The following ADNP2 variants were observed in gnomAD, a reference collection of about 807,000 sequenced individuals.
ADNP2 encodes the protein ADNP homeobox 2.
In ADNP2, 8 loss-of-function variants were observed where a neutral mutation model predicts 16.4. The observed-to-expected ratio is 0.49, with a 90% CI of 0.29 to 0.88. ADNP2 has a LOEUF of 0.88. Ranked by LOEUF, ADNP2 falls within the 40% of genes least tolerant of loss-of-function variation. The pLI is 0.09. For missense variants in ADNP2, 1,397 were observed against 1,395.1 expected (o/e 1.00, Z -0.02); for synonymous variants, 637 against 545.8 (o/e 1.17, Z -2.33).
intron 2 of ADNP2, among the ~76,000 whole-genome samples, chr18:80,131,018 T>C (rs1288982201): frequency 6.6e-6 from 1 of 152,208 alleles, no homozygotes; most frequent in Non-Finnish European, 1.5e-5. Flanking sequence ...ATTACTGTTC[T>C]GTGGAGCTTG....
intron 2 of ADNP2, among the ~76,000 whole-genome samples, chr18:80,131,674 A>G (rs1297344335): frequency 6.6e-6 from 1 of 152,068 alleles, no homozygotes; most frequent in Non-Finnish European, 1.5e-5. Flanking sequence ...CAGCCATAAA[A>G]AAGGATGAGT....
chr18:80,128,674 A>G (rs1003660861), intron 2 of ADNP2, among the ~76,000 whole-genome samples: 38 of 152,210 alleles, frequency 2.5e-4, no homozygotes, highest in African/African-American at 8.0e-4. Flanking sequence ...ATAAATAAAA[A>G]TAAAGAAATA....
chr18:80,112,691 A>G (rs1019293314), intron 1 of ADNP2, among the ~76,000 whole-genome samples: 3 of 152,196 alleles, frequency 2.0e-5, no homozygotes, highest in Non-Finnish European at 4.4e-5. Flanking sequence ...TCATTTTAGT[A>G]ACCCCTTTCT....
Position 80,136,560 on chromosome 18 carries a change from A to G in ADNP2, c.1147A>G (p.Lys383Glu), listed in dbSNP as rs2052536743. 6.2e-6 allele frequency: 10 copies of G among 1,614,122 alleles called. No homozygotes were observed. Among genetic ancestry groups the G allele is most frequent in the Non-Finnish European group, 8.5e-6 (10 of 1,180,018 alleles). ...PLSQPVGPVN[K>E]SVGTSVLPIN... ...GAGTCAGCCAGTCGGACCTGTCAAT[A>G]AGTCTGTTGGAACTAGTGTCCTCCC... Residue 383 changes from lysine to glutamate, a missense_variant, in exon 4 of 4, where the codon AAG (lysine) becomes GAG (glutamate). Around this residue, in one of 3 missense-constraint regions of ADNP2, gnomAD observed 777 missense variants for 719.4 expected, o/e 1.08. Coordinates refer to ENST00000262198, the MANE Select transcript of ADNP2 (RefSeq NM_014913.4).
intron 2 of ADNP2, among the ~76,000 whole-genome samples, chr18:80,132,285 T>C (rs1252205981): frequency 1.3e-5 from 2 of 152,226 alleles, no homozygotes; most frequent in Admixed American, 1.3e-4. Context: ...TTAAACCAAC[T>C]GTCTGTTGAA....
intron 2 of ADNP2, among the ~76,000 whole-genome samples, chr18:80,128,330 A>AAAAT (rs1177819634): frequency 6.6e-6 from 1 of 152,224 alleles, no homozygotes; most frequent in East Asian, 1.9e-4. Context: ...GATAGTTCTG[A>AAAAT]AAATAACCTA....
chr18:80,132,079 A>C (rs904845378), intron 2 of ADNP2, among the ~76,000 whole-genome samples: 2 of 152,184 alleles, frequency 1.3e-5, no homozygotes, highest in African/African-American at 4.8e-5. Context: ...CCTTACGTTT[A>C]GGCTTTGCGT....
At chr18:80,129,575 C>G (rs1034888641) in intron 2 of ADNP2, among the ~76,000 whole-genome samples, 3 of 152,152 alleles carry the variant, frequency 2.0e-5, no homozygotes, top group African/African-American at 7.2e-5. Flanking sequence ...AGTGTTGTTT[C>G]AGCTTAGTCC....
Position 80,135,738 on chromosome 18 carries a change from C to A in ADNP2, c.325C>A (p.Pro109Thr). 1 of 1,614,168 alleles carries A rather than the reference C, an allele frequency of 6.2e-7. No individual in the cohort carries two copies. The highest frequency in any genetic ancestry group is 8.5e-7 in the Non-Finnish European group (1 of 1,180,024). The change falls in exon 4 of 4, where the codon CCA becomes ACA. Residue 109 changes from proline to threonine, a missense_variant. By Grantham distance (38) the Pro-to-Thr change is conservative (BLOSUM62 -1). Coordinates refer to ENST00000262198, the MANE Select transcript of ADNP2 (RefSeq NM_014913.4). ...EIDQELVIPC[P>T]NCVFASQPKV... Reference sequence around the variant, plus strand: ...TGACCAAGAGCTGGTGATCCCTTGCCCAAACTGTGTATTTGCATCTCAGCC... The same window carrying A: ...TGACCAAGAGCTGGTGATCCCTTGCACAAACTGTGTATTTGCATCTCAGCC...
intron 2 of ADNP2, among the ~76,000 whole-genome samples, chr18:80,118,341 T>C (rs148453719): frequency 1.3e-5 from 2 of 152,020 alleles, no homozygotes; most frequent in African/African-American, 4.8e-5. Flanking sequence ...GACACAAGAA[T>C]TGCTTGAACC....
At chr18:80,117,058 A>G (rs767941480) in intron 1 of ADNP2, among the ~76,000 whole-genome samples, 20 of 152,244 alleles carry the variant, frequency 1.3e-4, no homozygotes, top group Admixed American at 1.0e-3. Context: ...TACAAGAGTT[A>G]TCTGTATTCT....
At chr18:80,109,603 T>A (rs1414082438) in intron 1 of ADNP2, 131 bp downstream of exon 1, 1 of 146,368 alleles carries the variant, frequency 6.8e-6, no homozygotes, top group African/African-American at 2.5e-5. Flanking sequence ...GCCCGCCGCC[T>A]GCCCTCGCGC....
In ADNP2 at chr18:80,136,580, C is replaced by T; in HGVS notation, c.1167C>T (p.Val389=). 5 of 1,614,236 alleles carry T rather than the reference C, an allele frequency of 3.1e-6. No individual in the cohort carries two copies. In the South Asian group the frequency reaches 3.3e-5, roughly 11 times the overall value. ...TCAATAAGTCTGTTGGAACTAGTGTCCTCCCCATAAATCAGACTGTTCGCC... is the reference window on the plus strand; with the variant it reads ...TCAATAAGTCTGTTGGAACTAGTGTTCTCCCCATAAATCAGACTGTTCGCC... ...GPVNKSVGTS[V]LPINQTVRPG... The change falls in exon 4 of 4, where the codon GTC becomes GTT. Residue 389 remains valine, a synonymous_variant. Coordinates refer to ENST00000262198, the MANE Select transcript of ADNP2 (RefSeq NM_014913.4).
At chr18:80,119,785 C>T (rs1027232029) in intron 2 of ADNP2, among the ~76,000 whole-genome samples, 3 of 152,206 alleles carry the variant, frequency 2.0e-5, no homozygotes, top group Non-Finnish European at 4.4e-5. Context: ...AACATTGGAT[C>T]TGGGATGGGC....
chr18:80,134,356 CA>C (rs372350654), intron 3 of ADNP2, among the ~76,000 whole-genome samples: 150 of 148,292 alleles, frequency 1.0e-3, no homozygotes, highest in African/African-American at 3.4e-3. Context: ...GAGACTCTGT[CA>C]AAAAAAACAA....
chr18:80,109,929 A>G (rs2052346618), intron 1 of ADNP2: 1 of 146,564 alleles, frequency 6.8e-6, no homozygotes, highest in South Asian at 2.0e-4. Flanking sequence ...GACTCCAGAA[A>G]CGCCCCGCCC....
rs1203410358 is a variant in ADNP2, at chr18:80,140,331, G to C, written c.*1522G>C. 6.6e-6 allele frequency: 1 copy of C among 151,000 alleles called. No homozygotes were observed. The highest frequency in any genetic ancestry group is 2.5e-5 in the African/African-American group (1 of 40,800). 9.4% of individuals were successfully genotyped at this position (151,000 alleles called of 1,614,324 possible). A position where few individuals can be genotyped will look rare whatever the true frequency, so the allele number is the denominator to read the frequency against. ...GAGTGTCTATTTTGAATTAAAATTT[G>C]TTACACCGCTGCAAATAGAACTGTT... On this transcript the variant is annotated 3_prime_UTR_variant, in exon 4 of 4. Coordinates refer to ENST00000262198, the MANE Select transcript of ADNP2 (RefSeq NM_014913.4).
rs2052562478 is a variant in ADNP2, at chr18:80,138,831, GTAACTC to G, written c.*26_*31del. 3.7e-6 allele frequency: 3 copies of G among 811,154 alleles called. No homozygotes were observed. Among genetic ancestry groups the G allele is most frequent in the South Asian group, 3.6e-5 (2 of 56,228 alleles). 50.2% of individuals were successfully genotyped at this position (811,154 alleles called of 1,614,324 possible). Reference sequence around the variant, plus strand: ...ATAAAACTTGCAAAAAAAAAAAAAAGTAACTCTAAAGTAGTAGGTAGATTTTTTTCA... The same window carrying G: ...ATAAAACTTGCAAAAAAAAAAAAAAGTAAAGTAGTAGGTAGATTTTTTTCA... On this transcript the variant is annotated 3_prime_UTR_variant, in exon 4 of 4. Coordinates refer to ENST00000262198, the MANE Select transcript of ADNP2 (RefSeq NM_014913.4).
intron 2 of ADNP2, among the ~76,000 whole-genome samples, chr18:80,124,937 A>G (rs116623305): frequency 6.6e-6 from 1 of 152,238 alleles, no homozygotes. Flanking sequence ...CATAATATAT[A>G]GGCCCAACTA....
Sources: gnomAD v4.1 joint callset for allele counts (sites outside exome capture counted in the v4.1 genomes callset) on GRCh38, gnomAD v4.1.1 for gene constraint, gnomAD v4.1.1 regional missense constraint, MANE v1.5 for transcripts, NCBI Gene and HGNC (gene_info 2026-07-23, HGNC 2026-07-21) for gene names.